LINGO2: variants seen among roughly 807,000 people sequenced by gnomAD.
LINGO2 encodes the protein leucine-rich repeat and immunoglobulin-like domain-containing nogo receptor-interacting protein 2.
A neutral mutation model predicts 30.6 loss-of-function variants in LINGO2; 14 were observed. That is an observed-to-expected ratio of 0.46 (90% CI 0.30 to 0.72). The LOEUF is 0.72. Ranked by LOEUF, LINGO2 falls within the 30% of genes least tolerant of loss-of-function variation. LINGO2 has a pLI of 0.07. For missense variants in LINGO2, 729 were observed against 751.7 expected, an observed-to-expected ratio of 0.97 and a Z score of 0.35; for synonymous variants, 317 against 288.5, an observed-to-expected ratio of 1.10 and a Z score of -1.00.
chr9:28,341,705 G>C (rs1218607543), intron 3 of LINGO2, among the ~76,000 whole-genome samples: 2 of 152,230 alleles, frequency 1.3e-5, no homozygotes, highest in East Asian at 3.9e-4. Context: ...TTTAACCACT[G>C]TGAGAACCAT....
intron 1 of LINGO2, among the ~76,000 whole-genome samples, chr9:28,489,580 T>C (rs1826305827): frequency 6.6e-6 from 1 of 152,092 alleles, no homozygotes; most frequent in African/African-American, 2.4e-5. Context: ...CTAAGTCCGT[T>C]AGCCACCTGC....
At chr9:28,771,150 C>G in the LINGO2 span, among the ~76,000 whole-genome samples, 1 of 152,132 alleles carries the variant, frequency 6.6e-6, no homozygotes, top group Non-Finnish European at 1.5e-5. Flanking sequence ...TTCCCTTCAA[C>G]TCCTGTAATC....
At chr9:28,554,963 C>A (rs1353813488) in intron 1 of LINGO2, among the ~76,000 whole-genome samples, 17 of 125,390 alleles carry the variant, frequency 1.4e-4, no homozygotes, top group Middle Eastern at 4.0e-3. Context: ...ACAAAGACAC[C>A]ACATACCAGA....
At chr9:28,851,850 C>T in the LINGO2 span, among the ~76,000 whole-genome samples, 4 of 151,292 alleles carry the variant, frequency 2.6e-5, no homozygotes, top group Non-Finnish European at 4.4e-5. Flanking sequence ...TAATTATTTG[C>T]ACTGAATTAA....
intron 3 of LINGO2, among the ~76,000 whole-genome samples, chr9:28,366,677 A>T (rs1018351707): frequency 5.2e-5 from 7 of 135,344 alleles, no homozygotes; most frequent in African/African-American, 9.2e-5. Context: ...TAAACCAGTT[A>T]AAAAAAAAAA....
intron 4 of LINGO2, among the ~76,000 whole-genome samples, chr9:28,282,270 A>G (rs988941663): frequency 5.3e-5 from 8 of 152,170 alleles, no homozygotes; most frequent in African/African-American, 1.7e-4. Flanking sequence ...TCCCAATGAT[A>G]AGTGTGAGAC....
chr9:29,066,963 T>C, the LINGO2 span, among the ~76,000 whole-genome samples: 1 of 151,818 alleles, frequency 6.6e-6, no homozygotes, highest in East Asian at 1.9e-4. Context: ...CCCAGCTAGT[T>C]AGAAAGGGCA....
chr9:28,281,933 T>C (rs963104231), intron 4 of LINGO2, among the ~76,000 whole-genome samples: 3 of 152,090 alleles, frequency 2.0e-5, no homozygotes, highest in African/African-American at 4.8e-5. Flanking sequence ...CAGGAAACAA[T>C]ATTCCACATG....
At chr9:28,275,259 G>C (rs952363664) in intron 4 of LINGO2, among the ~76,000 whole-genome samples, 10 of 151,854 alleles carry the variant, frequency 6.6e-5, no homozygotes, top group Non-Finnish European at 1.2e-4. Flanking sequence ...TTTTTTAGTA[G>C]AGATGGGGTT....
At chr9:29,207,095 T>C in the LINGO2 span, among the ~76,000 whole-genome samples, 1 of 151,558 alleles carries the variant, frequency 6.6e-6, no homozygotes, top group African/African-American at 2.4e-5. Context: ...AGACTCTCCC[T>C]CCCTATGTAT....
chr9:28,482,432 G>T (rs376469611), intron 1 of LINGO2, among the ~76,000 whole-genome samples: 2 of 152,228 alleles, frequency 1.3e-5, no homozygotes, highest in Middle Eastern at 3.4e-3. Flanking sequence ...CTTCTGAGAA[G>T]TGTCTGTTCA....
At chr9:29,001,902 C>A in the LINGO2 span, among the ~76,000 whole-genome samples, 1 of 151,990 alleles carries the variant, frequency 6.6e-6, no homozygotes, top group African/African-American at 2.4e-5. Flanking sequence ...ATATTTTCTG[C>A]ATTGGCTCTG....
At chr9:28,828,131 T>C in the LINGO2 span, among the ~76,000 whole-genome samples, 2 of 151,842 alleles carry the variant, frequency 1.3e-5, no homozygotes, top group Non-Finnish European at 2.9e-5. Flanking sequence ...ATTTATGTAA[T>C]AGTTAAACCT....
intron 4 of LINGO2, among the ~76,000 whole-genome samples, chr9:28,142,459 TTTG>T (rs1229683340): frequency 6.6e-6 from 1 of 152,172 alleles, no homozygotes; most frequent in East Asian, 1.9e-4. Context: ...CATAGGATTT[TTTG>T]TTGTTGTTCA....
intron 4 of LINGO2, among the ~76,000 whole-genome samples, chr9:28,270,246 T>G (rs1053239950): frequency 7.9e-5 from 12 of 152,056 alleles, no homozygotes; most frequent in African/African-American, 2.9e-4. Context: ...TCAGTCAGCC[T>G]GTGGGGTGAT....
the LINGO2 span, among the ~76,000 whole-genome samples, chr9:28,720,900 C>T: frequency 6.6e-6 from 1 of 152,000 alleles, no homozygotes; most frequent in Non-Finnish European, 1.5e-5. Flanking sequence ...CAGAGTGACA[C>T]ATCACTCTAA....
intron 2 of LINGO2, among the ~76,000 whole-genome samples, chr9:28,418,547 G>A (rs549797067): frequency 3.9e-5 from 6 of 152,150 alleles, no homozygotes; most frequent in African/African-American, 1.2e-4. Flanking sequence ...AAAGTTTTGG[G>A]ATTACGGGTG....
At chr9:28,676,336 G>T in the LINGO2 span, among the ~76,000 whole-genome samples, 1 of 151,948 alleles carries the variant, frequency 6.6e-6, no homozygotes, top group Non-Finnish European at 1.5e-5. Flanking sequence ...ATTTGACTCT[G>T]TCCTTCACTG....
the LINGO2 span, among the ~76,000 whole-genome samples, chr9:29,149,568 T>C: frequency 1.1e-4 from 16 of 151,176 alleles, no homozygotes; most frequent in African/African-American, 3.9e-4. Context: ...TGCCAAATGC[T>C]AGGGCTAGTT....
Sources: allele counts gnomAD v4.1 joint callset (sites outside exome capture counted in the v4.1 genomes callset), GRCh38; gene constraint gnomAD v4.1.1; transcripts MANE v1.5; gene names NCBI Gene and HGNC (gene_info 2026-07-23, HGNC 2026-07-21).